The following SLC24A2 variants were observed in gnomAD, a reference collection of about 807,000 sequenced individuals.
SLC24A2 encodes solute carrier family 24 member 2.
Under a neutral mutation model 62.0 loss-of-function variants are expected in SLC24A2, and 36 were observed. The observed-to-expected ratio is 0.58, with a 90% CI of 0.44 to 0.77. SLC24A2 has a LOEUF of 0.77. Ranked by LOEUF, SLC24A2 falls within the 30% of genes least tolerant of loss-of-function variation. SLC24A2 has a pLI of 0.00. For synonymous variants in SLC24A2, 358 were observed against 294.0 expected (o/e 1.22, Z -2.23); for missense variants, 846 against 817.9 (o/e 1.03, Z -0.42).
chr9:19,634,672 T>C (rs1044688363), intron 2 of SLC24A2, among the ~76,000 whole-genome samples: 2 of 152,204 alleles, frequency 1.3e-5, no homozygotes, highest in African/African-American at 4.8e-5. Context: ...AACACACTGA[T>C]TTCACCCTCT....
the SLC24A2 span, among the ~76,000 whole-genome samples, chr9:20,248,826 G>T: frequency 0.011 from 1,746 of 152,212 alleles, 34 homozygotes; most frequent in African/African-American, 0.04. Context: ...ACTTCTCCGG[G>T]GCACCCACAT....
At chr9:20,240,559 G>T in the SLC24A2 span, among the ~76,000 whole-genome samples, 1 of 152,168 alleles carries the variant, frequency 6.6e-6, no homozygotes, top group Non-Finnish European at 1.5e-5. Flanking sequence ...AAACTAAGCA[G>T]CTTCCTTTTT....
Position 19,666,415 on chromosome 9 carries a change from A to G in SLC24A2, c.931-44116T>C, listed in dbSNP as rs867365958. ...AGTGAGACACTGTTTTAAAAAAATC[A>G]TTATTTTAAAATAAAGTAGAGAGGA... On this transcript the variant is annotated intron_variant, in intron 2 of 10. Coordinates refer to ENST00000341998, the MANE Select transcript of SLC24A2 (RefSeq NM_020344.4). 2.6e-5 allele frequency among the ~76,000 whole-genome samples: 4 copies of G among 152,182 alleles called. No homozygotes were observed. In the South Asian group the frequency reaches 8.3e-4, roughly 32 times the overall value.
the SLC24A2 span, among the ~76,000 whole-genome samples, chr9:19,920,545 C>T: frequency 2.0e-5 from 3 of 152,184 alleles, no homozygotes; most frequent in Middle Eastern, 3.4e-3. Flanking sequence ...GCATTGGGTA[C>T]GCTGAGGGCC....
At chr9:19,588,947 T>G (rs1222251244) in intron 5 of SLC24A2, among the ~76,000 whole-genome samples, 1 of 152,076 alleles carries the variant, frequency 6.6e-6, no homozygotes, top group African/African-American at 2.4e-5. Context: ...GGTGACAGAG[T>G]GAGACTCTGT....
chr9:20,040,533 C>T, the SLC24A2 span, among the ~76,000 whole-genome samples: 2 of 152,166 alleles, frequency 1.3e-5, no homozygotes, highest in Non-Finnish European at 2.9e-5. Flanking sequence ...TTCTTTTCAA[C>T]CCCCACCAAA....
the SLC24A2 span, among the ~76,000 whole-genome samples, chr9:20,134,981 T>C: frequency 6.6e-6 from 1 of 152,196 alleles, no homozygotes; most frequent in East Asian, 1.9e-4. Flanking sequence ...CACCACATTA[T>C]GTGAGTTTCA....
At chr9:19,788,581 C>A in intron 1 of SLC24A2, 1 of 985,456 alleles carries the variant, frequency 1.0e-6, no homozygotes, top group Non-Finnish European at 1.2e-6. Flanking sequence ...GGCCCGCATC[C>A]CCCTGAGTCG....
chr9:19,833,686 T>C, the SLC24A2 span, among the ~76,000 whole-genome samples: 1 of 152,220 alleles, frequency 6.6e-6, no homozygotes, highest in Non-Finnish European at 1.5e-5. Flanking sequence ...CAATAACCTC[T>C]GCAGACTTAA....
the SLC24A2 span, among the ~76,000 whole-genome samples, chr9:19,868,145 T>C: frequency 6.6e-6 from 1 of 152,096 alleles, no homozygotes; most frequent in Non-Finnish European, 1.5e-5. Flanking sequence ...CTCTGATAGT[T>C]GCATTCACTA....
At chr9:20,051,626 T>A in the SLC24A2 span, among the ~76,000 whole-genome samples, 2 of 151,330 alleles carry the variant, frequency 1.3e-5, no homozygotes, top group Non-Finnish European at 2.9e-5. Flanking sequence ...TCTATCTTTG[T>A]TACTGTGTTT....
the SLC24A2 span, among the ~76,000 whole-genome samples, chr9:20,249,704 C>CAAAA: frequency 2.6e-3 from 199 of 76,468 alleles, 7 homozygotes; most frequent in African/African-American, 6.8e-3. Context: ...AACTCTGTCT[C>CAAAA]AAAAAAAAAA....
chr9:19,863,895 C>T, the SLC24A2 span, among the ~76,000 whole-genome samples: 2 of 151,506 alleles, frequency 1.3e-5, no homozygotes, highest in South Asian at 2.1e-4. Context: ...ATCAACGAAA[C>T]AAAAAGTTGT....
chr9:19,998,232 C>T, the SLC24A2 span, among the ~76,000 whole-genome samples: 2 of 152,098 alleles, frequency 1.3e-5, no homozygotes, highest in African/African-American at 4.8e-5. Context: ...CAAACTCTGG[C>T]AGATGAACTC....
At chr9:19,744,855 T>G (rs1286847977) in intron 2 of SLC24A2, among the ~76,000 whole-genome samples, 1 of 152,184 alleles carries the variant, frequency 6.6e-6, no homozygotes, top group African/African-American at 2.4e-5. Flanking sequence ...CTGTAACTAT[T>G]GGCTTCTTTT....
chr9:19,838,488 G>C, the SLC24A2 span, among the ~76,000 whole-genome samples: 12 of 113,720 alleles, frequency 1.1e-4, no homozygotes, highest in East Asian at 4.6e-4. Flanking sequence ...CACACACACA[G>C]ATTAGCAGGG....
At chr9:19,654,436 G>A (rs893458214) in intron 2 of SLC24A2, among the ~76,000 whole-genome samples, 7 of 152,082 alleles carry the variant, frequency 4.6e-5, no homozygotes, top group African/African-American at 9.7e-5. Context: ...TGGAGAACAT[G>A]GTTTTCTCCT....
rs539865593 is a variant in SLC24A2 at position 19,561,696 on chromosome 9, C to T, written c.1348-11428G>A. Among the ~76,000 whole-genome samples the T allele has an allele frequency of 2.6e-5, 4 of 152,254 alleles. No individual in the cohort carries two copies. The East Asian group carries it at 7.7e-4, about 29-fold the overall frequency. ...CCACCTGCCTCGGCCTCCCAAAGTG[C>T]TGGGATTACAGGCGTGAGCCACTGC... is the stretch of plus-strand genomic sequence containing the variant. On this transcript the variant is annotated intron_variant, in intron 7 of 10. Coordinates refer to ENST00000341998, the MANE Select transcript of SLC24A2 (RefSeq NM_020344.4).
the SLC24A2 span, among the ~76,000 whole-genome samples, chr9:20,161,757 T>TACACACACACACAC: frequency 2.4e-4 from 36 of 147,344 alleles, no homozygotes; most frequent in African/African-American, 8.5e-4. Flanking sequence ...AACATGAAGA[T>TACACACACACACAC]ACACACACAC....
Sources: allele counts gnomAD v4.1 joint callset (sites outside exome capture counted in the v4.1 genomes callset), GRCh38; gene constraint gnomAD v4.1.1; transcripts MANE v1.5; gene names NCBI Gene and HGNC (gene_info 2026-07-23, HGNC 2026-07-21).